The following LRRC43 variants were observed in gnomAD, a reference collection of about 807,000 sequenced individuals.
LRRC43 encodes the protein leucine rich repeat containing 43.
Under a neutral mutation model 64.3 loss-of-function variants are expected in LRRC43, and 62 were observed. The observed-to-expected ratio is 0.96, with a 90% CI of 0.79 to 1.19. The LOEUF (loss-of-function observed/expected upper bound fraction) is 1.19. Ranked by LOEUF, LRRC43 falls within the 50% of genes most tolerant of loss-of-function variation. The pLI is 0.00. For synonymous variants in LRRC43, 422 were observed against 382.3 expected (o/e 1.10, Z -1.21); for missense variants, 868 against 845.0 (o/e 1.03, Z -0.34).
intron 1 of LRRC43, among the ~76,000 whole-genome samples, chr12:122,168,957 C>A (rs1459578809): frequency 6.6e-6 from 1 of 152,136 alleles, no homozygotes; most frequent in Non-Finnish European, 1.5e-5. Flanking sequence ...TTGGGCTTGG[C>A]AGGTGTTTTC....
At chr12:122,192,039 C>T (rs896805301) in intron 6 of LRRC43, among the ~76,000 whole-genome samples, 2 of 152,178 alleles carry the variant, frequency 1.3e-5, no homozygotes, top group African/African-American at 4.8e-5. Context: ...TTCAACCATG[C>T]ACACTCCCCT....
upstream of LRRC43, chr12:122,183,046 G>C: frequency 1.4e-6 from 2 of 1,451,278 alleles, no homozygotes; most frequent in Admixed American, 5.3e-5. Flanking sequence ...TGTCTGATCC[G>C]GATGGGGGAC....
chr12:122,173,715 T>A lies in LRRC43; in HGVS notation c.-406+5933T>A. 3 of 760,202 alleles carry A rather than the reference T, an allele frequency of 3.9e-6. No individual in the cohort carries two copies. In the South Asian group the frequency reaches 5.3e-5, roughly 13 times the overall value. 47.1% of individuals were successfully genotyped at this position (760,202 alleles called of 1,614,324 possible). A position where few individuals can be genotyped will look rare whatever the true frequency, so the allele number is the denominator to read the frequency against. On this transcript the variant is annotated intron_variant, in intron 1 of 5. Transcript: ENST00000537729. ...AAAAAAAAAGCCATCTTTGCCTGTC[T>A]AGTTTCCCCCATCCCTTCCTGGCAT...
intron 5 of LRRC43, among the ~76,000 whole-genome samples, chr12:122,190,724 A>G (rs1301582160): frequency 6.6e-6 from 1 of 152,160 alleles, no homozygotes; most frequent in Non-Finnish European, 1.5e-5. Context: ...TTAGCCAGGC[A>G]TGGTGGCAAG....
chr12:122,196,125 C>G (rs1953770788), intron 7 of LRRC43, among the ~76,000 whole-genome samples: 1 of 152,194 alleles, frequency 6.6e-6, no homozygotes, highest in Non-Finnish European at 1.5e-5. Context: ...TGACTTGGCT[C>G]TTCAGCACCT....
At chr12:122,201,416 G>A (rs1953837599) in intron 11 of LRRC43, 87 bp downstream of exon 11, 3 of 1,234,692 alleles carry the variant, frequency 2.4e-6, no homozygotes, top group East Asian at 4.6e-5. Context: ...AGGAACCAAA[G>A]GGTGGGGAAT....
chr12:122,185,717 C>T (rs945555832), intron 2 of LRRC43, among the ~76,000 whole-genome samples: 2 of 152,182 alleles, frequency 1.3e-5, no homozygotes, highest in African/African-American at 2.4e-5. Flanking sequence ...CAGACTGGCA[C>T]AGTTGGTGGC....
At chr12:122,174,154 T>C (rs1194464353) in intron 1 of LRRC43, 1 of 1,614,134 alleles carries the variant, frequency 6.2e-7, no homozygotes, top group East Asian at 2.2e-5. Flanking sequence ...GGACCAGTGA[T>C]ACCTGAGTGA....
intron 7 of LRRC43, among the ~76,000 whole-genome samples, chr12:122,198,510 T>C (rs1953794303): frequency 6.6e-6 from 1 of 152,290 alleles, no homozygotes; most frequent in Admixed American, 6.5e-5. Flanking sequence ...TCTGGATATT[T>C]CATATGGATG....
At chr12:122,190,870 G>A (rs1044341793) in intron 5 of LRRC43, among the ~76,000 whole-genome samples, 9 of 150,840 alleles carry the variant, frequency 6.0e-5, no homozygotes, top group Non-Finnish European at 4.4e-5. Flanking sequence ...AAAAAAAGGT[G>A]GTGTGGGAGG....
intron 1 of LRRC43, among the ~76,000 whole-genome samples, chr12:122,170,444 A>C (rs1953474930): frequency 6.6e-6 from 1 of 152,078 alleles, no homozygotes; most frequent in Admixed American, 6.6e-5. Context: ...ATCCTGGCTA[A>C]CACGGTGAAA....
chr12:122,191,255 C>T (rs2136045674), intron 5 of LRRC43, 125 bp from the exon 6 acceptor site: 1 of 766,652 alleles, frequency 1.3e-6, no homozygotes, highest in Non-Finnish European at 2.1e-6. Context: ...ACCTGACCGC[C>T]CCACCAAGGC....
chr12:122,178,636 G>T (rs557531168), upstream of LRRC43, among the ~76,000 whole-genome samples: 8 of 126,224 alleles, frequency 6.3e-5, no homozygotes, highest in East Asian at 2.0e-3. Context: ...CTGTCACCTG[G>T]CCTGGAGTGC....
intron 1 of LRRC43, among the ~76,000 whole-genome samples, chr12:122,170,944 A>G (rs992291384): frequency 6.6e-6 from 1 of 152,288 alleles, no homozygotes; most frequent in Admixed American, 6.5e-5. Flanking sequence ...GTGAGACCCA[A>G]TGATTGACAT....
chr12:122,190,054 T>A (rs1953696756), intron 4 of LRRC43, 76 bp from the exon 5 acceptor site: 2 of 1,184,236 alleles, frequency 1.7e-6, no homozygotes, highest in East Asian at 4.7e-5. Context: ...AGGCTCCCCG[T>A]CCGTTTTGGC....
chr12:122,172,820 C>T (rs1332676868), intron 1 of LRRC43: 2 of 1,090,188 alleles, frequency 1.8e-6, no homozygotes, highest in South Asian at 1.5e-5. Flanking sequence ...TTGCATGCTT[C>T]CTCCGTAACC....
Position 122,190,376 on chromosome 12 carries a change from T to C in LRRC43, c.901+8T>C. On this transcript the variant is annotated splice_region_variant and intron_variant, in intron 5 of 11. Coordinates refer to ENST00000339777, the MANE Select transcript of LRRC43 (RefSeq NM_001098519.2). ...GGCTCAGCCTCAATGGCGGTGAGGG[T>C]ACTGGCATGCAGGGAGGGGGTGGCA... 1 of 1,606,476 alleles carries C rather than the reference T, an allele frequency of 6.2e-7. No homozygotes were observed. The highest frequency in any genetic ancestry group is 8.5e-7 in the Non-Finnish European group (1 of 1,173,908).
chr12:122,190,131 C>A lies in LRRC43; in HGVS notation c.664C>A (p.Pro222Thr). The A allele has an allele frequency of 1.9e-6, 3 of 1,613,598 alleles. No homozygotes were observed. The highest frequency in any genetic ancestry group is 2.5e-6 in the Non-Finnish European group (3 of 1,179,546). The stretch of plus-strand genomic sequence containing the variant: ...CAGACGGTCCTGCTCACCTTCCAGG[C>A]CCAACCTCGTCTCCCTGGACCTGGG... Reference protein sequence around the residue: ...ESLYVTANHWPNLVSLDLGFN... With the variant: ...ESLYVTANHWTNLVSLDLGFN... The change falls in exon 5 of 12, where the codon CCC becomes ACC. Residue 222 changes from proline to threonine, a missense_variant and splice_region_variant. Physicochemically the swap from Pro to Thr is conservative, Grantham distance 38. Coordinates refer to ENST00000339777, the MANE Select transcript of LRRC43 (RefSeq NM_001098519.2).
At chr12:122,170,914 T>A (rs1287745650) in intron 1 of LRRC43, among the ~76,000 whole-genome samples, 1 of 152,116 alleles carries the variant, frequency 6.6e-6, no homozygotes, top group Non-Finnish European at 1.5e-5. Context: ...CCACAGACCT[T>A]CCGATTCAGT....
Sources: allele counts gnomAD v4.1 joint callset (sites outside exome capture counted in the v4.1 genomes callset), GRCh38; gene constraint gnomAD v4.1.1; transcripts MANE v1.5; gene names NCBI Gene and HGNC (gene_info 2026-07-23, HGNC 2026-07-21).